The following CNTNAP4 variants were observed in gnomAD, a reference collection of about 807,000 sequenced individuals.
CNTNAP4 encodes the protein contactin associated protein family member 4.
CNTNAP4 carries 98 observed loss-of-function variants against 148.4 expected under a neutral mutation model. The observed-to-expected ratio is 0.66, with a 90% CI of 0.56 to 0.78. The LOEUF is 0.78. Ranked by LOEUF, CNTNAP4 falls within the 30% of genes least tolerant of loss-of-function variation. The probability of loss-of-function intolerance (pLI) is 0.00; values close to 1 mark genes in which losing one functional copy is unlikely to be tolerated. For synonymous variants in CNTNAP4, 730 were observed against 565.1 expected (o/e 1.29, Z -4.14); for missense variants, 1,935 against 1,565.6 (o/e 1.24, Z -3.98).
intron 1 of CNTNAP4, among the ~76,000 whole-genome samples, chr16:76,297,043 C>A (rs1014677096): frequency 6.6e-6 from 1 of 152,112 alleles, no homozygotes; most frequent in African/African-American, 2.4e-5. Flanking sequence ...AAAGAAGTAA[C>A]CTTTAGTAAC....
chr16:76,315,231 C>T (rs1050643757), intron 1 of CNTNAP4, among the ~76,000 whole-genome samples: 1 of 151,972 alleles, frequency 6.6e-6, no homozygotes, highest in African/African-American at 2.4e-5. Flanking sequence ...TCTCCTGGTG[C>T]ACAAATGCAA....
At chr16:76,338,593 G>T (rs1388652487) in intron 2 of CNTNAP4, among the ~76,000 whole-genome samples, 1 of 152,114 alleles carries the variant, frequency 6.6e-6, no homozygotes, top group African/African-American at 2.4e-5. Context: ...CTTCTCAAGT[G>T]CTCATTCCAT....
chr16:76,510,541 C>T (rs1468031496), intron 15 of CNTNAP4, among the ~76,000 whole-genome samples: 1 of 151,736 alleles, frequency 6.6e-6, no homozygotes. Flanking sequence ...CTACATTTAA[C>T]CTCTTTAGGA....
At chr16:76,388,795 A>C (rs1212980605) in intron 3 of CNTNAP4, among the ~76,000 whole-genome samples, 1 of 152,198 alleles carries the variant, frequency 6.6e-6, no homozygotes, top group Non-Finnish European at 1.5e-5. Context: ...AGGAAATGGG[A>C]ATCAGAGACT....
chr16:76,382,372 T>A (rs1379770263), intron 3 of CNTNAP4, among the ~76,000 whole-genome samples: 1 of 152,152 alleles, frequency 6.6e-6, no homozygotes, highest in African/African-American at 2.4e-5. Context: ...TTTTACTGTT[T>A]TAGATCCCAT....
At position 76,277,612 on chromosome 16, in the gene CNTNAP4, G is replaced by A; in HGVS notation, c.-51G>A. On this transcript the variant is annotated 5_prime_UTR_variant, in exon 1 of 24. Coordinates refer to ENST00000611870, the MANE Select transcript of CNTNAP4 (RefSeq NM_033401.5). ...CAGAGCTACTGAGAAGAGGACTGGA[G>A]CGCTCTGAGAGCCTCTCAAGATCTT... 1.6e-6 allele frequency: 2 copies of A among 1,285,652 alleles called. No individual in the cohort carries two copies. The highest frequency in any genetic ancestry group is 2.2e-6 in the Non-Finnish European group (2 of 901,462). 79.6% of individuals were successfully genotyped at this position (1,285,652 alleles called of 1,614,324 possible). A position where few individuals can be genotyped will look rare whatever the true frequency, so the allele number is the denominator to read the frequency against.
intron 1 of CNTNAP4, among the ~76,000 whole-genome samples, chr16:76,283,038 G>A (rs1369712918): frequency 1.3e-5 from 2 of 151,700 alleles, no homozygotes; most frequent in South Asian, 4.1e-4. Flanking sequence ...GTCTCAAAGA[G>A]CTTAACTGAA....
chr16:76,285,166 T>C (rs542503348), intron 1 of CNTNAP4, among the ~76,000 whole-genome samples: 1 of 152,002 alleles, frequency 6.6e-6, no homozygotes, highest in African/African-American at 2.4e-5. Context: ...GGTGTTTTTT[T>C]TCCCCTCCTT....
chr16:76,346,432 T>TAAAA (rs59482710), intron 2 of CNTNAP4, among the ~76,000 whole-genome samples: 2,428 of 123,688 alleles, frequency 0.02, 40 homozygotes, highest in Non-Finnish European at 0.03. Flanking sequence ...CTAGGGAAGA[T>TAAAA]AAAAAAAAAA....
intron 3 of CNTNAP4, among the ~76,000 whole-genome samples, chr16:76,391,184 G>C (rs536636434): frequency 9.3e-4 from 141 of 152,184 alleles, no homozygotes; most frequent in Non-Finnish European, 1.7e-3. Flanking sequence ...TATTGATGTT[G>C]ACAGCAAATC....
intron 2 of CNTNAP4, among the ~76,000 whole-genome samples, chr16:76,345,564 G>T (rs777625974): frequency 7.2e-5 from 11 of 152,140 alleles, no homozygotes; most frequent in Non-Finnish European, 1.5e-4. Context: ...AGGACATTGG[G>T]GATGCGGGGG....
rs550981280 is a variant in CNTNAP4, at chr16:76,525,473, A to G, written c.2755+3216A>G. ...AGAAAAAATGTATATAATATAGAGA[A>G]AAAATATATATATAACTATATATAG... On this transcript the variant is annotated intron_variant, in intron 17 of 23. Coordinates refer to ENST00000611870, the MANE Select transcript of CNTNAP4 (RefSeq NM_033401.5). 3.8e-3 allele frequency among the ~76,000 whole-genome samples: 564 copies of G among 148,494 alleles called. 3 individuals are homozygous for G. The highest frequency in any genetic ancestry group is 0.013 in the African/African-American group (538 of 40,942).
intron 1 of CNTNAP4, among the ~76,000 whole-genome samples, chr16:76,298,692 G>T (rs896431657): frequency 6.6e-6 from 1 of 152,056 alleles, no homozygotes; most frequent in African/African-American, 2.4e-5. Context: ...CTCTCCAAGG[G>T]CTCAGTTGCC....
intron 3 of CNTNAP4, among the ~76,000 whole-genome samples, chr16:76,403,070 A>G (rs1026987661): frequency 6.6e-6 from 1 of 151,916 alleles, no homozygotes; most frequent in Admixed American, 6.6e-5. Flanking sequence ...AAGGACATGA[A>G]CACTGTTGTT....
intron 4 of CNTNAP4, among the ~76,000 whole-genome samples, chr16:76,436,961 A>ATATCTATCTATCTATCTATCTATC (rs780750972): frequency 1.0e-3 from 142 of 140,284 alleles, no homozygotes; most frequent in South Asian, 2.5e-3. Flanking sequence ...CTAATACAGA[A>ATATCTATCTATCTATCTATCTATC]TATCTATCTA....
intron 2 of CNTNAP4, among the ~76,000 whole-genome samples, chr16:76,346,403 G>A (rs1964902422): frequency 2.2e-5 from 3 of 138,994 alleles, no homozygotes; most frequent in Middle Eastern, 8.3e-3. Context: ...GCTCATGACA[G>A]CTTATCATCT....
At chr16:76,369,878 T>C (rs917630909) in intron 3 of CNTNAP4, among the ~76,000 whole-genome samples, 1 of 151,676 alleles carries the variant, frequency 6.6e-6, no homozygotes, top group East Asian at 1.9e-4. Context: ...AGAGAGAGGA[T>C]TTGCCCTTTC....
intron 2 of CNTNAP4, among the ~76,000 whole-genome samples, chr16:76,349,199 C>T (rs1965169269): frequency 6.6e-6 from 1 of 152,126 alleles, no homozygotes; most frequent in Non-Finnish European, 1.5e-5. Context: ...CTTTCCACAA[C>T]AATACCTCCT....
At chr16:76,384,682 C>T (rs1224526697) in intron 3 of CNTNAP4, among the ~76,000 whole-genome samples, 1 of 152,102 alleles carries the variant, frequency 6.6e-6, no homozygotes, top group Non-Finnish European at 1.5e-5. Flanking sequence ...TGGAAGTGGC[C>T]TTGTTATTAG....
Sources: gnomAD v4.1 joint callset for allele counts (sites outside exome capture counted in the v4.1 genomes callset) on GRCh38, gnomAD v4.1.1 for gene constraint, MANE v1.5 for transcripts, NCBI Gene and HGNC (gene_info 2026-07-23, HGNC 2026-07-21) for gene names.